RBFOX1: variants seen among roughly 807,000 people sequenced by gnomAD.
RBFOX1 encodes the protein RNA binding fox-1 homolog 1, also known as RNA binding protein fox-1 homolog 1.
Under a neutral mutation model 57.7 loss-of-function variants are expected in RBFOX1, and 8 were observed. The ratio of observed to expected loss-of-function variants is 0.14; its 90% confidence interval spans 0.08 to 0.25. RBFOX1 has a LOEUF of 0.25. Ranked by LOEUF, RBFOX1 falls within the 10% of genes least tolerant of loss-of-function variation. RBFOX1 has a pLI of 1.00. For synonymous variants in RBFOX1, 326 were observed against 222.4 expected, an observed-to-expected ratio of 1.47 and a Z score of -4.15; for missense variants, 611 against 548.5, an observed-to-expected ratio of 1.11 and a Z score of -1.14.
At chr16:7,472,088 T>A (rs1466961369) in intron 4 of RBFOX1, among the ~76,000 whole-genome samples, 1 of 152,242 alleles carries the variant, frequency 6.6e-6, no homozygotes, top group East Asian at 1.9e-4. Flanking sequence ...CAGCATATCC[T>A]GCCTGGTAGT....
At chr16:7,031,175 C>G (rs887281228) in intron 3 of RBFOX1, among the ~76,000 whole-genome samples, 19 of 152,270 alleles carry the variant, frequency 1.2e-4, no homozygotes, top group African/African-American at 3.8e-4. Flanking sequence ...AGAGAGTCAG[C>G]AATGCCTTAC....
At chr16:5,657,653 T>TTTC (rs1421574021) in intron 3 of RBFOX1, among the ~76,000 whole-genome samples, 4,103 of 131,408 alleles carry the variant, frequency 0.031, 162 homozygotes, top group African/African-American at 0.095. Flanking sequence ...TCTTTCTTTC[T>TTTC]TTTCTTTTCT....
rs547685384 is a variant in RBFOX1, at chr16:7,339,918, C to G, written c.28-178229C>G. On this transcript the variant is annotated intron_variant, in intron 4 of 15. Coordinates refer to ENST00000550418, the MANE Select transcript of RBFOX1 (RefSeq NM_018723.4). ...ACAGTGGTTATCTCTACTTGATCCT[C>G]ACTCACAAGCACACCATGTCCAAGT... Among the ~76,000 whole-genome samples the G allele has an allele frequency of 1.6e-4, 25 of 152,360 alleles. No homozygotes were observed. In the South Asian group the frequency reaches 5.0e-3, roughly 30 times the overall value.
chr16:6,119,315 T>C (rs995544496), intron 1 of RBFOX1, among the ~76,000 whole-genome samples: 29 of 152,190 alleles, frequency 1.9e-4, no homozygotes, highest in African/African-American at 7.0e-4. Flanking sequence ...AATGAATTTA[T>C]GTGTTCTTGG....
intron 3 of RBFOX1, among the ~76,000 whole-genome samples, chr16:6,774,821 C>T (rs1365418274): frequency 2.6e-5 from 4 of 151,944 alleles, no homozygotes; most frequent in Non-Finnish European, 4.4e-5. Flanking sequence ...TAGCCATGAG[C>T]CGTATGGGCC....
intron 1 of RBFOX1, among the ~76,000 whole-genome samples, chr16:5,346,005 G>C (rs1165032811): frequency 6.6e-6 from 1 of 152,178 alleles, no homozygotes; most frequent in African/African-American, 2.4e-5. Context: ...ATGGTGTGGG[G>C]GATTGTCAAC....
chr16:6,696,763 C>A (rs995731632), intron 3 of RBFOX1, among the ~76,000 whole-genome samples: 1 of 151,944 alleles, frequency 6.6e-6, no homozygotes, highest in African/African-American at 2.4e-5. Flanking sequence ...GTTTGCTGTG[C>A]CTGTGTTTGG....
intron 2 of RBFOX1, among the ~76,000 whole-genome samples, chr16:6,560,678 A>G (rs1201725988): frequency 6.6e-6 from 1 of 152,172 alleles, no homozygotes; most frequent in Non-Finnish European, 1.5e-5. Flanking sequence ...TTTCAAATGA[A>G]TAATTTGAAC....
intron 1 of RBFOX1, among the ~76,000 whole-genome samples, chr16:5,347,378 GTTC>G (rs966447029): frequency 6.6e-6 from 1 of 152,072 alleles, no homozygotes. Context: ...ATCATACTTT[GTTC>G]TTCTGTGAAA....
At chr16:7,468,457 GTTT>G (rs370402076) in intron 4 of RBFOX1, among the ~76,000 whole-genome samples, 1 of 133,442 alleles carries the variant, frequency 7.5e-6, no homozygotes, top group Non-Finnish European at 1.6e-5. Context: ...CTCGGAGGGT[GTTT>G]TTTTTTTTTT....
chr16:6,676,521 A>T (rs1332270415), intron 3 of RBFOX1, among the ~76,000 whole-genome samples: 1 of 152,110 alleles, frequency 6.6e-6, no homozygotes. Flanking sequence ...TGATCATTAC[A>T]CATTCTATGC....
At chr16:6,941,962 C>G (rs1160383361) in intron 3 of RBFOX1, among the ~76,000 whole-genome samples, 1 of 152,152 alleles carries the variant, frequency 6.6e-6, no homozygotes, top group Non-Finnish European at 1.5e-5. Flanking sequence ...GGCACAATGG[C>G]TCACACCTGT....
chr16:7,005,970 G>C (rs532522575), intron 3 of RBFOX1, among the ~76,000 whole-genome samples: 16 of 152,030 alleles, frequency 1.1e-4, no homozygotes, highest in Non-Finnish European at 1.6e-4. Context: ...CCCTACTCAG[G>C]ATCACGTAAC....
At chr16:7,369,016 C>G (rs1156719619) in intron 4 of RBFOX1, among the ~76,000 whole-genome samples, 1 of 151,866 alleles carries the variant, frequency 6.6e-6, no homozygotes, top group Non-Finnish European at 1.5e-5. Context: ...ATCCTCCTGG[C>G]TCGAACAGGA....
At chr16:6,827,204 T>G (rs889228641) in intron 3 of RBFOX1, among the ~76,000 whole-genome samples, 8 of 38,294 alleles carry the variant, frequency 2.1e-4, no homozygotes, top group South Asian at 9.5e-4. Context: ...AGAGGTGTGT[T>G]TTTTTTTTTC....
chr16:6,582,690 C>G (rs953310662), intron 2 of RBFOX1, among the ~76,000 whole-genome samples: 6 of 151,354 alleles, frequency 4.0e-5, no homozygotes, highest in African/African-American at 1.2e-4. Flanking sequence ...CCATTTCTCT[C>G]TTCTCACTTC....
At chr16:6,741,553 C>A (rs148089407) in intron 3 of RBFOX1, among the ~76,000 whole-genome samples, 1 of 151,890 alleles carries the variant, frequency 6.6e-6, no homozygotes, top group African/African-American at 2.4e-5. Context: ...CCTGTAATCC[C>A]AGCTACTTGG....
At chr16:7,203,478 A>C (rs1602981224) in intron 4 of RBFOX1, among the ~76,000 whole-genome samples, 1 of 152,250 alleles carries the variant, frequency 6.6e-6, no homozygotes, top group Non-Finnish European at 1.5e-5. Flanking sequence ...GTTGCATAAC[A>C]ATATAAATAT....
chr16:5,432,843 T>C (rs2067794911), intron 1 of RBFOX1, among the ~76,000 whole-genome samples: 1 of 152,052 alleles, frequency 6.6e-6, no homozygotes, highest in Non-Finnish European at 1.5e-5. Flanking sequence ...TGGAGTGCAG[T>C]GGCGCAATCT....
Sources: allele counts gnomAD v4.1 joint callset (sites outside exome capture counted in the v4.1 genomes callset), GRCh38; gene constraint gnomAD v4.1.1; transcripts MANE v1.5; gene names NCBI Gene and HGNC (gene_info 2026-07-23, HGNC 2026-07-21).